The following ZPBP variants were observed in gnomAD, a reference collection of about 807,000 sequenced individuals.
The protein encoded by ZPBP is zona pellucida binding protein.
In ZPBP, 26 loss-of-function variants were observed where a neutral mutation model predicts 44.8. That is an observed-to-expected ratio of 0.58 (90% CI 0.43 to 0.81). The LOEUF is 0.81. Among genes scored for constraint, ZPBP ranks in the 30% least tolerant of loss-of-function variants. ZPBP has a pLI of 0.00. For missense variants in ZPBP, 409 were observed against 434.0 expected (o/e 0.94, Z 0.51); for synonymous variants, 174 against 153.2 (o/e 1.14, Z -1.00).
At chr7:50,074,535 T>C (rs1801992197) in intron 3 of ZPBP, among the ~76,000 whole-genome samples, 2 of 151,896 alleles carry the variant, frequency 1.3e-5, no homozygotes. Context: ...ACACTTCACC[T>C]ATAAAGATAC....
intron 3 of ZPBP, among the ~76,000 whole-genome samples, chr7:50,080,383 A>G (rs1802298086): frequency 6.6e-6 from 1 of 151,760 alleles, no homozygotes; most frequent in Non-Finnish European, 1.5e-5. Context: ...TTACCTGGAA[A>G]TAACTACATT....
chr7:50,018,408 T>C (rs915612060), intron 5 of ZPBP, 92 bp from the exon 6 acceptor site: 85 of 1,049,584 alleles, frequency 8.1e-5, no homozygotes, highest in Non-Finnish European at 9.6e-5. Context: ...TATTCTAACA[T>C]TTCTCTTCCA....
At chr7:49,859,449 T>C (rs1056125933) in intron 2 of ZPBP, among the ~76,000 whole-genome samples, 3 of 152,266 alleles carry the variant, frequency 2.0e-5, no homozygotes, top group Non-Finnish European at 4.4e-5. Flanking sequence ...GAGATGATAC[T>C]GATTTTTGTG....
chr7:50,041,658 A>G (rs1225485132), intron 4 of ZPBP, among the ~76,000 whole-genome samples: 1 of 152,190 alleles, frequency 6.6e-6, no homozygotes, highest in Non-Finnish European at 1.5e-5. Flanking sequence ...AAGGTCACCA[A>G]CATCTCCAAA....
At chr7:49,889,674 C>T (rs1057013640) in intron 2 of ZPBP, among the ~76,000 whole-genome samples, 1 of 152,148 alleles carries the variant, frequency 6.6e-6, no homozygotes, top group African/African-American at 2.4e-5. Context: ...AGGAGCTCCT[C>T]AAGGCTTTCA....
intron 1 of ZPBP, among the ~76,000 whole-genome samples, chr7:49,908,594 G>A (rs1793232398): frequency 6.6e-6 from 1 of 151,784 alleles, no homozygotes; most frequent in Admixed American, 6.6e-5. Flanking sequence ...TCCTATCTGT[G>A]CCCACCAAGA....
intron 2 of ZPBP, among the ~76,000 whole-genome samples, chr7:49,875,748 T>C (rs2128725006): frequency 6.6e-6 from 1 of 152,266 alleles, no homozygotes; most frequent in Middle Eastern, 3.4e-3. Flanking sequence ...ACAGGCTGTA[T>C]ATTTAGCCCT....
intron 1 of ZPBP, chr7:49,920,856 A>G (rs1320265456): frequency 6.6e-6 from 1 of 152,286 alleles, no homozygotes; most frequent in Non-Finnish European, 1.5e-5. Flanking sequence ...GATGAATGTA[A>G]AATTATAGCT....
intron 3 of ZPBP, among the ~76,000 whole-genome samples, chr7:50,063,569 G>A (rs1801355058): frequency 6.6e-6 from 1 of 152,108 alleles, no homozygotes; most frequent in Non-Finnish European, 1.5e-5. Flanking sequence ...CTACCAGTGA[G>A]GGTTTTGAAT....
chr7:49,981,603 A>ATTATATAT (rs1796952558), intron 7 of ZPBP, among the ~76,000 whole-genome samples: 1 of 23,314 alleles, frequency 4.3e-5, no homozygotes, highest in Non-Finnish European at 7.4e-5. Flanking sequence ...AATTATATAA[A>ATTATATAT]TTATATAATT....
intron 6 of ZPBP, among the ~76,000 whole-genome samples, chr7:49,987,845 G>A (rs1477120891): frequency 1.3e-5 from 2 of 150,932 alleles, no homozygotes; most frequent in Non-Finnish European, 1.5e-5. Context: ...TTTTTAAAAG[G>A]AAAATAAAAG....
chr7:49,931,639 C>T (rs901056603), intron 1 of ZPBP, among the ~76,000 whole-genome samples: 1 of 152,104 alleles, frequency 6.6e-6, no homozygotes, highest in African/African-American at 2.4e-5. Flanking sequence ...TGCAGCCTGA[C>T]GATGGGATAG....
intron 1 of ZPBP, chr7:49,916,920 T>C (rs529193188): frequency 6.6e-5 from 10 of 152,206 alleles, no homozygotes; most frequent in African/African-American, 2.4e-4. Context: ...CAGAAAAAAA[T>C]TGCTTTTAGT....
intron 7 of ZPBP, among the ~76,000 whole-genome samples, chr7:49,968,101 CAT>C (rs1447278298): frequency 6.6e-6 from 1 of 151,730 alleles, no homozygotes; most frequent in African/African-American, 2.4e-5. Flanking sequence ...TTTAAAAAAA[CAT>C]ATTGGGAAAA....
chr7:49,962,360 T>G (rs1430261055), intron 7 of ZPBP, among the ~76,000 whole-genome samples: 1 of 151,884 alleles, frequency 6.6e-6, no homozygotes, highest in Non-Finnish European at 1.5e-5. Context: ...AATCAATCAA[T>G]GCATCATAAA....
chr7:49,987,727 G>GTTGT (rs1200765633), intron 6 of ZPBP, among the ~76,000 whole-genome samples: 3 of 93,368 alleles, frequency 3.2e-5, no homozygotes, highest in African/African-American at 1.3e-4. Flanking sequence ...TTATATATGT[G>GTTGT]TTGTGTGTGT....
At chr7:49,949,791 T>G (rs1795259331) in intron 7 of ZPBP, among the ~76,000 whole-genome samples, 1 of 151,936 alleles carries the variant, frequency 6.6e-6, no homozygotes, top group Non-Finnish European at 1.5e-5. Context: ...AATGTTAAAT[T>G]TTATGTTATG....
At chr7:49,856,803 A>T (rs547753763) in intron 2 of ZPBP, among the ~76,000 whole-genome samples, 6 of 151,954 alleles carry the variant, frequency 3.9e-5, no homozygotes, top group Non-Finnish European at 8.8e-5. Context: ...AGGTCAGGAG[A>T]TCGAGACCAT....
intron 6 of ZPBP, among the ~76,000 whole-genome samples, chr7:49,988,829 G>A (rs558710920): frequency 6.6e-6 from 1 of 152,310 alleles, no homozygotes; most frequent in African/African-American, 2.4e-5. Flanking sequence ...AGAGTTAACT[G>A]AATGGACTGA....
Sources: allele counts gnomAD v4.1 joint callset (sites outside exome capture counted in the v4.1 genomes callset), GRCh38; gene constraint gnomAD v4.1.1; transcripts MANE v1.5; gene names NCBI Gene and HGNC (gene_info 2026-07-23, HGNC 2026-07-21).